TRPM6: variants seen among roughly 807,000 people sequenced by gnomAD.
TRPM6 encodes the protein channel kinase 2.
Under a neutral mutation model 247.6 loss-of-function variants are expected in TRPM6, and 111 were observed. The observed-to-expected ratio is 0.45, with a 90% CI of 0.38 to 0.52. The LOEUF is 0.52. Ranked by LOEUF, TRPM6 falls within the 20% of genes least tolerant of loss-of-function variation. The pLI is 0.00. For synonymous variants in TRPM6, 892 were observed against 853.8 expected (o/e 1.04, Z -0.78); for missense variants, 2,126 against 2,421.5 (o/e 0.88, Z 2.56).
intron 9 of TRPM6, among the ~76,000 whole-genome samples, chr9:74,817,226 A>G (rs1486601901): frequency 6.6e-6 from 1 of 152,240 alleles, no homozygotes; most frequent in Non-Finnish European, 1.5e-5. Context: ...TACTATGTAC[A>G]TGCTACAACA....
At chr9:74,800,579 G>A (rs1209761276) in intron 16 of TRPM6, 97 bp from the exon 17 acceptor site, 2 of 867,428 alleles carry the variant, frequency 2.3e-6, no homozygotes, top group African/African-American at 3.3e-5. Context: ...TAAAAGATTG[G>A]ATGTGAGGCT....
At position 74,756,883 on chromosome 9, in the gene TRPM6, C is replaced by T. The variant is rs148281482; in HGVS notation, c.4786-1410G>A. Among the ~76,000 whole-genome samples the T allele has an allele frequency of 1.6e-3, 236 of 151,500 alleles. 2 individuals are homozygous for T. The highest frequency in any genetic ancestry group is 5.4e-3 in the African/African-American group (223 of 41,318). On this transcript the variant is annotated intron_variant, in intron 27 of 38. Transcript: ENST00000360774. ...AAAAATTAAGAAGGAAGTCTGAAAT[C>T]AATGACCAAAGTTTCTACCTTAACA...
intron 30 of TRPM6, among the ~76,000 whole-genome samples, chr9:74,749,997 A>C (rs1242788379): frequency 1.3e-5 from 2 of 152,208 alleles, no homozygotes; most frequent in Non-Finnish European, 2.9e-5. Flanking sequence ...CAACTAGGAA[A>C]GTCCAGAAAA....
rs1195037589 is a variant in TRPM6, at chr9:74,861,342, G to A, written c.34-2594C>T. Among the ~76,000 whole-genome samples, 7 of 152,264 alleles carry A rather than the reference G, an allele frequency of 4.6e-5. No homozygotes were observed. The East Asian group carries it at 1.4e-3, about 29-fold the overall frequency. ...TCAAGGAAGTTAGAATAAAAAGGAG[G>A]AAACAGATAAGAAACTGATATCATT... On this transcript the variant is annotated intron_variant, in intron 1 of 38. Coordinates refer to ENST00000360774, the MANE Select transcript of TRPM6 (RefSeq NM_017662.5).
At chr9:74,733,174 C>T (rs1034948418) in intron 36 of TRPM6, among the ~76,000 whole-genome samples, 3 of 151,260 alleles carry the variant, frequency 2.0e-5, no homozygotes, top group African/African-American at 7.3e-5. Context: ...TGCATTCAAG[C>T]CTGGGCAACA....
At chr9:74,848,690 G>A (rs541847905) in intron 3 of TRPM6, among the ~76,000 whole-genome samples, 33 of 152,148 alleles carry the variant, frequency 2.2e-4, no homozygotes, top group African/African-American at 6.7e-4. Context: ...GCAATGCCCC[G>A]CCTGAAAGAG....
chr9:74,744,155 G>T lies in TRPM6; in HGVS notation c.5084-10C>A. ...AAGGAGGCTGAGATCTCTGAAATTAGAGAGGAGATTGGCATTTTAATTACA... is the reference window on the plus strand; with the variant it reads ...AAGGAGGCTGAGATCTCTGAAATTATAGAGGAGATTGGCATTTTAATTACA... On this transcript the variant is annotated splice_polypyrimidine_tract_variant and intron_variant, in intron 31 of 38. Coordinates refer to ENST00000360774, the MANE Select transcript of TRPM6 (RefSeq NM_017662.5). 6.2e-7 allele frequency: 1 copy of T among 1,613,702 alleles called. No individual in the cohort carries two copies. Among genetic ancestry groups the T allele is most frequent in the East Asian group, 2.2e-5 (1 of 44,860 alleles).
chr9:74,850,476 T>G (rs1257739751), intron 3 of TRPM6, among the ~76,000 whole-genome samples: 5 of 151,820 alleles, frequency 3.3e-5, no homozygotes, highest in African/African-American at 9.7e-5. Context: ...TCCCACCACT[T>G]TGGGAGGCTG....
intron 1 of TRPM6, among the ~76,000 whole-genome samples, chr9:74,881,176 C>A (rs1271834545): frequency 3.3e-5 from 5 of 151,776 alleles, no homozygotes; most frequent in Admixed American, 2.6e-4. Flanking sequence ...CTATATGCTA[C>A]CTGTAAGAAA....
At chr9:74,830,309 G>C (rs1305913172) in intron 6 of TRPM6, among the ~76,000 whole-genome samples, 1 of 151,520 alleles carries the variant, frequency 6.6e-6, no homozygotes, top group African/African-American at 2.4e-5. Context: ...AAAAAAAACA[G>C]AATACTCAGA....
chr9:74,763,801 G>T (rs1349677198), intron 25 of TRPM6, among the ~76,000 whole-genome samples: 4 of 152,152 alleles, frequency 2.6e-5, no homozygotes, highest in Non-Finnish European at 5.9e-5. Context: ...TCATGTAAAA[G>T]CAACACAACA....
intron 23 of TRPM6, among the ~76,000 whole-genome samples, chr9:74,781,391 C>T (rs568017693): frequency 2.0e-5 from 3 of 151,732 alleles, no homozygotes; most frequent in Non-Finnish European, 4.4e-5. Context: ...CAAAAATTAG[C>T]CAGGCATGGT....
At chr9:74,740,230 T>G (rs922049008) in intron 33 of TRPM6, among the ~76,000 whole-genome samples, 3 of 152,138 alleles carry the variant, frequency 2.0e-5, no homozygotes, top group African/African-American at 7.2e-5. Flanking sequence ...GGGACAAATA[T>G]CAGAGGATAC....
At chr9:74,856,303 G>C (rs756977591) in intron 2 of TRPM6, among the ~76,000 whole-genome samples, 2 of 152,094 alleles carry the variant, frequency 1.3e-5, no homozygotes, top group Non-Finnish European at 2.9e-5. Context: ...AGCCCTGTGT[G>C]CTGATATGTG....
chr9:74,859,035 C>T (rs1186620935), intron 1 of TRPM6, among the ~76,000 whole-genome samples: 3 of 152,146 alleles, frequency 2.0e-5, no homozygotes, highest in Admixed American at 2.0e-4. Context: ...AAAGATGTAA[C>T]TGATATATCC....
chr9:74,766,630 GC>G (rs145564685), intron 25 of TRPM6, among the ~76,000 whole-genome samples: 1,947 of 152,262 alleles, frequency 0.013, 36 homozygotes, highest in African/African-American at 0.043. Context: ...GCCTGGGTCA[GC>G]CGGGCACAGT....
At chr9:74,864,482 A>C (rs1830784294) in intron 1 of TRPM6, among the ~76,000 whole-genome samples, 1 of 152,188 alleles carries the variant, frequency 6.6e-6, no homozygotes, top group African/African-American at 2.4e-5. Flanking sequence ...CCAGGCTAAA[A>C]ATATCTAAAA....
At chr9:74,792,316 G>A (rs1332826869) in intron 19 of TRPM6, among the ~76,000 whole-genome samples, 1 of 152,122 alleles carries the variant, frequency 6.6e-6, no homozygotes, top group Non-Finnish European at 1.5e-5. Context: ...AGAGTTTTTA[G>A]AGACAGGAGC....
intron 38 of TRPM6, 60 bp from the exon 39 acceptor site, chr9:74,724,806 G>A: frequency 3.7e-6 from 6 of 1,606,842 alleles, no homozygotes; most frequent in Non-Finnish European, 5.1e-6. Context: ...TGTTCATGAA[G>A]ACAAATGGGA....
Sources: gnomAD v4.1 joint callset for allele counts (sites outside exome capture counted in the v4.1 genomes callset) on GRCh38, gnomAD v4.1.1 for gene constraint, MANE v1.5 for transcripts, NCBI Gene and HGNC (gene_info 2026-07-23, HGNC 2026-07-21) for gene names.